TNFAIP8L3: variants seen among roughly 807,000 people sequenced by gnomAD.
TNFAIP8L3 encodes tumor necrosis factor alpha-induced protein 8-like protein 3.
Under a neutral mutation model 11.8 loss-of-function variants are expected in TNFAIP8L3, and 7 were observed. The observed-to-expected ratio is 0.59, with a 90% CI of 0.34 to 1.11. The LOEUF (loss-of-function observed/expected upper bound fraction) is 1.11, where lower values mean the gene tolerates loss of function less well. Among genes scored for constraint, TNFAIP8L3 ranks in the 50% most tolerant of loss-of-function variants. TNFAIP8L3 has a pLI of 0.03. For missense variants in TNFAIP8L3, 219 were observed against 258.6 expected (o/e 0.85, Z 1.05); for synonymous variants, 98 against 103.8 (o/e 0.94, Z 0.34).
At chr15:51,099,587 G>A (rs917572526), upstream of TNFAIP8L3, among the ~76,000 whole-genome samples, 1 of 152,148 alleles carries the variant, frequency 6.6e-6, no homozygotes, top group Non-Finnish European at 1.5e-5. Flanking sequence ...GAGCCTCCCT[G>A]ATCACACATG....
upstream of TNFAIP8L3, among the ~76,000 whole-genome samples, chr15:51,097,493 A>G (rs990812202): frequency 6.6e-6 from 1 of 152,228 alleles, no homozygotes; most frequent in Non-Finnish European, 1.5e-5. Context: ...ACCTGCTCCT[A>G]TATTCATTCA....
intron 1 of TNFAIP8L3, among the ~76,000 whole-genome samples, chr15:51,061,642 TA>T (rs1162757769): frequency 6.6e-6 from 1 of 152,164 alleles, no homozygotes; most frequent in Non-Finnish European, 1.5e-5. Context: ...TGCTTGAAAA[TA>T]TTTATCAATC....
At chr15:51,090,934 G>GA (rs60211045) in intron 1 of TNFAIP8L3, among the ~76,000 whole-genome samples, 51,333 of 151,964 alleles carry the variant, frequency 0.34, 9,211 homozygotes, top group South Asian at 0.43. Flanking sequence ...CCAGAAAGGG[G>GA]AAAAAACTGA....
In TNFAIP8L3 at chr15:51,084,121, C is replaced by T. The variant is rs1313927306; in HGVS notation, c.52+10423G>A. Among the ~76,000 whole-genome samples the T allele has an allele frequency of 2.0e-5, 3 of 152,142 alleles. No individual in the cohort carries two copies. The East Asian group carries it at 5.8e-4, about 29-fold the overall frequency. ...ATTAACAAAAAATCTCAAGTGTTTA[C>T]GTGTGTGACTGTGAGGGGAGATTTC... is the stretch of plus-strand genomic sequence containing the variant. On this transcript the variant is annotated intron_variant, in intron 1 of 1. Transcript: ENST00000637513.
intron 1 of TNFAIP8L3, among the ~76,000 whole-genome samples, chr15:51,085,846 T>C (rs1230588429): frequency 6.6e-6 from 1 of 152,208 alleles, no homozygotes; most frequent in East Asian, 1.9e-4. Flanking sequence ...CTTCTTGGAA[T>C]AGTGCAGTCT....
chr15:51,089,535 A>G (rs554531305), intron 1 of TNFAIP8L3, among the ~76,000 whole-genome samples: 64 of 152,348 alleles, frequency 4.2e-4, no homozygotes, highest in African/African-American at 1.5e-3. Context: ...CCTGGAGGAC[A>G]GGGTGAACTG....
upstream of TNFAIP8L3, among the ~76,000 whole-genome samples, chr15:51,098,034 T>C (rs1002182305): frequency 6.6e-6 from 1 of 152,174 alleles, no homozygotes. Flanking sequence ...GATATACGAG[T>C]TTCTACCACT....
chr15:51,079,726 TG>T (rs1175717880), intron 1 of TNFAIP8L3, among the ~76,000 whole-genome samples: 2 of 151,990 alleles, frequency 1.3e-5, no homozygotes, highest in Non-Finnish European at 2.9e-5. Flanking sequence ...GGCTCATGCC[TG>T]TAATCTCAGC....
At chr15:51,079,269 C>T (rs910839091) in intron 1 of TNFAIP8L3, among the ~76,000 whole-genome samples, 2 of 152,246 alleles carry the variant, frequency 1.3e-5, no homozygotes, top group Non-Finnish European at 2.9e-5. Context: ...TCCAGGGCTC[C>T]ATTTGAATGA....
chr15:51,075,660 T>A (rs955485091), intron 1 of TNFAIP8L3, among the ~76,000 whole-genome samples: 1 of 152,164 alleles, frequency 6.6e-6, no homozygotes, highest in African/African-American at 2.4e-5. Flanking sequence ...CCGTAATATG[T>A]GAAATTAGTA....
chr15:51,096,252 A>AACAGAGTGCAAATACCACTCTACTT (rs532638613), upstream of TNFAIP8L3, among the ~76,000 whole-genome samples: 22 of 152,330 alleles, frequency 1.4e-4, 1 homozygote, highest in South Asian at 4.6e-3. Context: ...GTGTGGGCTT[A>AACAGAGTGCAAATACCACTCTACTT]ACAGAGTGCA....
At chr15:51,070,661 T>A (rs1406723596) in intron 1 of TNFAIP8L3, among the ~76,000 whole-genome samples, 2 of 152,196 alleles carry the variant, frequency 1.3e-5, no homozygotes, top group Non-Finnish European at 2.9e-5. Context: ...TGAGCTGCGA[T>A]GCATGGGGTG....
At chr15:51,070,123 C>T (rs2065298430) in intron 1 of TNFAIP8L3, among the ~76,000 whole-genome samples, 1 of 152,172 alleles carries the variant, frequency 6.6e-6, no homozygotes, top group South Asian at 2.1e-4. Context: ...ATTGATTTTA[C>T]AGCCAGCTCT....
At chr15:51,066,678 G>A (rs900080375) in intron 1 of TNFAIP8L3, among the ~76,000 whole-genome samples, 10 of 152,140 alleles carry the variant, frequency 6.6e-5, no homozygotes, top group Admixed American at 1.3e-4. Flanking sequence ...GGGGTGAGGC[G>A]TGGTGGTATG....
intron 1 of TNFAIP8L3, among the ~76,000 whole-genome samples, chr15:51,101,945 C>CAAAAAAAAAAAAAAAAAAAGAAAA (rs2065555609): frequency 2.3e-5 from 2 of 85,710 alleles, no homozygotes; most frequent in Non-Finnish European, 4.7e-5. Context: ...GACTCTGTCT[C>CAAAAAAAAAAAAAAAAAAAGAAAA]AAAAAAAAAA....
chr15:51,064,389 C>T (rs890304470), intron 1 of TNFAIP8L3, among the ~76,000 whole-genome samples: 2 of 152,118 alleles, frequency 1.3e-5, no homozygotes, highest in Non-Finnish European at 2.9e-5. Context: ...CTTATTAAGG[C>T]TTTGAGAAGT....
intron 1 of TNFAIP8L3, among the ~76,000 whole-genome samples, chr15:51,079,086 C>A (rs2065374579): frequency 6.6e-6 from 1 of 152,240 alleles, no homozygotes; most frequent in Admixed American, 6.5e-5. Flanking sequence ...CACCAGGCCA[C>A]TGAACTGACA....
At position 51,094,706 on chromosome 15, in the gene TNFAIP8L3, G is replaced by A. The variant is rs1595620825; in HGVS notation, c.-111C>T. ...GGGGCGGCTGGAGCCCGGGCGGCGC[G>A]GGCGGCGCGGGCTGGGCGGTGCGCG... On this transcript the variant is annotated 5_prime_UTR_variant, in exon 1 of 2. Coordinates refer to ENST00000637513, the MANE Select transcript of TNFAIP8L3 (RefSeq NM_001311175.2). The surrounding 1 kb of genome is among the most constrained non-coding windows in gnomAD (Gnocchi z 4.4). 1 of 1,016,280 alleles carries A rather than the reference G, an allele frequency of 9.8e-7. No individual in the cohort carries two copies. The highest frequency in any genetic ancestry group is 1.2e-6 in the Non-Finnish European group (1 of 852,486). 63.0% of individuals were successfully genotyped at this position (1,016,280 alleles called of 1,614,324 possible). A position where few individuals can be genotyped will look rare whatever the true frequency, so the allele number is the denominator to read the frequency against.
chr15:51,097,861 G>GT (rs1185580466), upstream of TNFAIP8L3, among the ~76,000 whole-genome samples: 10 of 151,578 alleles, frequency 6.6e-5, no homozygotes, highest in South Asian at 2.1e-3. Context: ...TTGTGGGGGG[G>GT]GAAAAACTCT....
Sources: gnomAD v4.1 joint callset for allele counts (sites outside exome capture counted in the v4.1 genomes callset) on GRCh38, gnomAD v4.1.1 for gene constraint, Gnocchi (gnomAD v3.1) non-coding constraint, MANE v1.5 for transcripts, NCBI Gene and HGNC (gene_info 2026-07-23, HGNC 2026-07-21) for gene names.